The following GCAT variants were observed in gnomAD, a reference collection of about 807,000 sequenced individuals.
GCAT encodes the protein glycine C-acetyltransferase, also known as 2-amino-3-ketobutyrate coenzyme A ligase, mitochondrial.
In GCAT, 26 loss-of-function variants were observed where a neutral mutation model predicts 39.7. That is an observed-to-expected ratio of 0.65 (90% confidence interval 0.48 to 0.91). GCAT has a LOEUF of 0.91. Ranked by LOEUF, GCAT falls within the 40% of genes least tolerant of loss-of-function variation. The probability of loss-of-function intolerance (pLI) is 0.00; values close to 1 mark genes in which losing one functional copy is unlikely to be tolerated. For missense variants in GCAT, 550 were observed against 576.2 expected (o/e 0.95, Z 0.47); for synonymous variants, 218 against 237.2 (o/e 0.92, Z 0.74).
At chr22:37,809,776 C>T (rs1051363358) in intron 1 of GCAT, among the ~76,000 whole-genome samples, 7 of 151,970 alleles carry the variant, frequency 4.6e-5, no homozygotes, top group Admixed American at 3.3e-4. Flanking sequence ...ACCATGATTG[C>T]ACCACTGTAC....
In GCAT at chr22:37,812,941, G is replaced by A. The variant is rs760270082; in HGVS notation, c.382G>A (p.Ala128Thr). The part of the protein sequence containing the change: ...KIARFHQRED[A>T]ILYPSCYDAN... The stretch of plus-strand genomic sequence containing the variant: ...AGCCCGCTTCCACCAGCGGGAGGAT[G>A]CCATCCTCTATCCCAGCTGTTATGA... The change falls in exon 3 of 9, where the codon GCC becomes ACC. Residue 128 changes from alanine (A) to threonine (T), a missense_variant. By Grantham distance (58) the Ala-to-Thr change is moderately conservative (BLOSUM62 0). Around this residue, in one of 3 missense-constraint regions of GCAT, gnomAD observed 18 missense variants for 43.8 expected, o/e 0.41. Transcript: ENST00000248924. The A allele has an allele frequency of 1.2e-6, 2 of 1,613,852 alleles. No individual in the cohort carries two copies. Among genetic ancestry groups the A allele is most frequent in the East Asian group, 4.5e-5 (2 of 44,898 alleles).
chr22:37,816,151 G>T, intron 7 of GCAT, 49 bp from the exon 8 acceptor site: 1 of 1,598,798 alleles, frequency 6.3e-7, no homozygotes, highest in Non-Finnish European at 8.5e-7. Flanking sequence ...AGGAGCGGGT[G>T]TGAATGCTCC....
At chr22:37,810,716 T>C (rs979156615) in intron 2 of GCAT, among the ~76,000 whole-genome samples, 1 of 151,936 alleles carries the variant, frequency 6.6e-6, no homozygotes, top group East Asian at 1.9e-4. Flanking sequence ...GGGGTTTCAC[T>C]GTGTTAGCCA....
intron 2 of GCAT, 101 bp downstream of exon 2, chr22:37,810,258 G>T (rs1921431842): frequency 4.7e-6 from 4 of 856,396 alleles, no homozygotes; most frequent in Admixed American, 1.8e-5. Flanking sequence ...CCACAGCCCT[G>T]GGCCTACTGT....
intron 2 of GCAT, 144 bp downstream of exon 2, chr22:37,810,301 T>C: frequency 1.5e-6 from 1 of 682,026 alleles, no homozygotes; most frequent in East Asian, 2.5e-5. Context: ...AAAGGCTGAG[T>C]GCAGGCCTCT....
intron 3 of GCAT, 53 bp from the exon 4 acceptor site, chr22:37,813,410 G>A: frequency 6.5e-7 from 1 of 1,543,918 alleles, no homozygotes. Flanking sequence ...CCCGGTCAAG[G>A]GAGAAGCCCA....
intron 2 of GCAT, among the ~76,000 whole-genome samples, chr22:37,811,782 G>C (rs1921620174): frequency 6.6e-6 from 1 of 150,390 alleles, no homozygotes; most frequent in Admixed American, 6.6e-5. Context: ...AAATTAGCTG[G>C]CCGGGCTCGC....
At chr22:37,813,150 G>A (rs1250410081) in intron 3 of GCAT, 162 bp downstream of exon 3, 1 of 647,510 alleles carries the variant, frequency 1.5e-6, no homozygotes, top group Non-Finnish European at 2.8e-6. Context: ...GGTGCTCCAG[G>A]AGGAATCCTG....
At chr22:37,812,346 C>CA (rs1248196508) in intron 2 of GCAT, among the ~76,000 whole-genome samples, 7 of 150,528 alleles carry the variant, frequency 4.7e-5, no homozygotes, top group Non-Finnish European at 1.0e-4. Flanking sequence ...TCTCATTTGC[C>CA]AAAAAAAAGA....
At chr22:37,816,544 G>C (rs144401614) in intron 8 of GCAT, 23 bp from the exon 9 acceptor site, 12 of 1,613,530 alleles carry the variant, frequency 7.4e-6, no homozygotes, top group Non-Finnish European at 1.0e-5. Context: ...GTTCTGGCAC[G>C]CCCTTGCTTT....
rs979114938 is a variant in GCAT at position 37,813,360 on chromosome 22, G to A, written c.430-103G>A. On this transcript the variant is annotated intron_variant, in intron 3 of 8. Transcript: ENST00000248924. The stretch of plus-strand genomic sequence containing the variant: ...ACACCTTGCCTCTCTACCCAGAGGA[G>A]CGCCCTGGCTGGCAGTACAGTTTTT... 2.7e-5 allele frequency: 35 copies of A among 1,284,122 alleles called. 2 individuals carry two copies. In the Admixed American group the frequency reaches 5.1e-4, roughly 19 times the overall value. The allele number at this position is 1,284,122 out of a possible 1,614,324, so 79.5% of individuals were successfully genotyped here. A position where few individuals can be genotyped will look rare whatever the true frequency, so the allele number is the denominator to read the frequency against.
intron 2 of GCAT, among the ~76,000 whole-genome samples, chr22:37,811,480 C>CAA (rs59876225): frequency 0.019 from 861 of 45,362 alleles, no homozygotes; most frequent in Non-Finnish European, 0.022. Context: ...GACTCTGTCT[C>CAA]AAAAAAAAAA....
rs200154808 is a variant in GCAT at position 37,812,991 on chromosome 22, G to A, written c.429+3G>A. 9.4e-6 allele frequency: 15 copies of A among 1,604,236 alleles called. No individual in the cohort carries two copies. The South Asian group carries it at 9.9e-5, about 11-fold the overall frequency. On this transcript the variant is annotated splice_donor_region_variant and intron_variant, in intron 3 of 8. Transcript: ENST00000248924. Reference sequence around the variant, plus strand: ...ACGCCAACGCCGGCCTCTTTGAGGTGTGTGGAAGCTGTCCTGCGGGTGAGG... The same window carrying A: ...ACGCCAACGCCGGCCTCTTTGAGGTATGTGGAAGCTGTCCTGCGGGTGAGG...
chr22:37,816,544 G>T, intron 8 of GCAT, 23 bp from the exon 9 acceptor site: 1 of 1,613,646 alleles, frequency 6.2e-7, no homozygotes, highest in South Asian at 1.1e-5. Context: ...GTTCTGGCAC[G>T]CCCTTGCTTT....
In GCAT at chr22:37,808,062, A is replaced by G; in HGVS notation, c.95A>G (p.Glu32Gly). ...CTGGCCCAGCTGCGTGGCATTCTGG[A>G]GGGGGAGCTGGAAGGCATCCGCGGA... The part of the protein sequence containing the change: ...SALAQLRGIL[E>G]GELEGIRGAG... The change falls in exon 1 of 9, where the codon GAG (glutamate) becomes GGG (glycine). Residue 32 changes from glutamate (E) to glycine (G), a missense_variant. By Grantham distance (98) the Glu-to-Gly change is moderately conservative (BLOSUM62 -2). Around this residue, in one of 3 missense-constraint regions of GCAT, gnomAD observed 154 missense variants for 141.9 expected, o/e 1.08. Transcript: ENST00000248924. 6.4e-7 allele frequency: 1 copy of G among 1,563,958 alleles called. No homozygotes were observed. The highest frequency in any genetic ancestry group is 8.6e-7 in the Non-Finnish European group (1 of 1,156,478).
chr22:37,810,507 A>C (rs1601694356), intron 2 of GCAT, among the ~76,000 whole-genome samples: 2 of 131,912 alleles, frequency 1.5e-5, no homozygotes, highest in South Asian at 4.8e-4. Context: ...TACCACACCC[A>C]GCTAATTTTT....
In GCAT at chr22:37,812,963, A is replaced by T. The variant is rs2145923912; in HGVS notation, c.404A>T (p.Tyr135Phe). 6.2e-7 allele frequency: 1 copy of T among 1,613,604 alleles called. No individual in the cohort carries two copies. The highest frequency in any genetic ancestry group is 1.3e-5 in the African/African-American group (1 of 75,016). Residue 135 changes from tyrosine (Y) to phenylalanine (F), a missense_variant, in exon 3 of 9, where the codon TAT becomes TTT. Transcript: ENST00000248924. ...GATGCCATCCTCTATCCCAGCTGTT[A>T]TGACGCCAACGCCGGCCTCTTTGAG... ...REDAILYPSCYDANAGLFEAL... is the reference protein window; with the variant it reads ...REDAILYPSCFDANAGLFEAL...
chr22:37,816,233 T>C lies in GCAT; in HGVS notation c.1020T>C (p.Thr340=). Residue 340 remains threonine, a synonymous_variant, in exon 8 of 9, where the codon ACT becomes ACC. Transcript: ENST00000248924. Reference sequence around the variant, plus strand: ...GTAAGATGGAAGCTGCTGGCTTCACTATCTCGGGAGCCAGTCACCCCATCT... The same window carrying C: ...GTAAGATGGAAGCTGCTGGCTTCACCATCTCGGGAGCCAGTCACCCCATCT... ...FRSKMEAAGF[T]ISGASHPICP... is the part of the protein sequence containing the mutation. 1 of 1,613,496 alleles carries C rather than the reference T, an allele frequency of 6.2e-7. No individual in the cohort carries two copies. The highest frequency in any genetic ancestry group is 8.5e-7 in the Non-Finnish European group (1 of 1,179,972).
rs1922016773 is a variant in GCAT, at chr22:37,815,152, T to C, written c.603T>C (p.Thr201=). Residue 201 remains threonine, a synonymous_variant, in exon 5 of 9, where the codon ACT becomes ACC. Transcript: ENST00000248924. ...AQKHRLRLVA[T]DGAFSMDGDI... Reference sequence around the variant, plus strand: ...AGCATCGGCTGCGCCTGGTGGCCACTGATGGGGCCTTTTCCATGGATGGCG... The same window carrying C: ...AGCATCGGCTGCGCCTGGTGGCCACCGATGGGGCCTTTTCCATGGATGGCG... The C allele has an allele frequency of 8.1e-6, 13 of 1,614,000 alleles. No homozygotes were observed. In the East Asian group the frequency reaches 2.9e-4, roughly 36 times the overall value.
Sources: gnomAD v4.1 joint callset for allele counts (sites outside exome capture counted in the v4.1 genomes callset) on GRCh38, gnomAD v4.1.1 for gene constraint, gnomAD v4.1.1 regional missense constraint, MANE v1.5 for transcripts, NCBI Gene and HGNC (gene_info 2026-07-23, HGNC 2026-07-21) for gene names.